Variants in SSBP3 observed in about 807,000 individuals in gnomAD.
SSBP3 encodes single stranded DNA binding protein 3, also known as single-stranded DNA-binding protein 3.
SSBP3 carries 5 observed loss-of-function variants against 69.6 expected under a neutral mutation model. The ratio of observed to expected loss-of-function variants is 0.07; its 90% CI spans 0.04 to 0.15. The LOEUF is 0.15. Ranked by LOEUF, SSBP3 falls within the 10% of genes least tolerant of loss-of-function variation. SSBP3 has a pLI of 1.00. For missense variants in SSBP3, 312 were observed against 534.0 expected, an observed-to-expected ratio of 0.58 and a Z score of 4.10; for synonymous variants, 196 against 193.4, an observed-to-expected ratio of 1.01 and a Z score of -0.11.
At chr1:54,229,897 G>A (rs867259809) in intron 14 of SSBP3, among the ~76,000 whole-genome samples, 1 of 152,224 alleles carries the variant, frequency 6.6e-6, no homozygotes, top group Non-Finnish European at 1.5e-5. Flanking sequence ...CAGAGATGCT[G>A]ACTTCCAAAG....
intron 4 of SSBP3, among the ~76,000 whole-genome samples, chr1:54,366,298 T>C (rs982833529): frequency 2.0e-5 from 3 of 152,148 alleles, no homozygotes; most frequent in African/African-American, 7.2e-5. Flanking sequence ...GAGTCCCCAG[T>C]CCCTTTCCTG....
In SSBP3 at chr1:54,404,653, C is replaced by A; in HGVS notation, c.130-16G>T. On this transcript the variant is annotated splice_polypyrimidine_tract_variant and intron_variant, in intron 2 of 17. Coordinates refer to ENST00000610401, the Ensembl canonical transcript of SSBP3. ...CCCATCGAATCTGGAAAGGTAAGAGCAGAAGCAGCTTAGAGGAGCAGAGAC... is the reference window on the plus strand; with the variant it reads ...CCCATCGAATCTGGAAAGGTAAGAGAAGAAGCAGCTTAGAGGAGCAGAGAC... The A allele has an allele frequency of 1.2e-6, 2 of 1,613,902 alleles. No homozygotes were observed. The highest frequency in any genetic ancestry group is 1.7e-6 in the Non-Finnish European group (2 of 1,179,840).
intron 4 of SSBP3, among the ~76,000 whole-genome samples, chr1:54,343,279 A>G (rs1283189412): frequency 6.6e-6 from 1 of 152,192 alleles, no homozygotes; most frequent in Non-Finnish European, 1.5e-5. Flanking sequence ...CTAGGTCCCC[A>G]TCCTGGATCT....
chr1:54,345,047 T>A (rs1646666418), intron 4 of SSBP3, among the ~76,000 whole-genome samples: 1 of 152,166 alleles, frequency 6.6e-6, no homozygotes, highest in Admixed American at 6.5e-5. Context: ...TGGCTACAAA[T>A]GCTTTCTACT....
At chr1:54,253,174 G>A (rs75685823) in intron 7 of SSBP3, among the ~76,000 whole-genome samples, 1 of 135,114 alleles carries the variant, frequency 7.4e-6, no homozygotes, top group East Asian at 2.1e-4. Flanking sequence ...ATTTGTTTTT[G>A]TTTTTTTTTT....
chr1:54,368,863 T>G (rs1324690419), intron 4 of SSBP3, among the ~76,000 whole-genome samples: 2 of 152,178 alleles, frequency 1.3e-5, no homozygotes, highest in African/African-American at 2.4e-5. Flanking sequence ...AGGCAAGTCG[T>G]CTCTCTATTC....
chr1:54,335,052 C>T (rs1646485084), intron 4 of SSBP3, among the ~76,000 whole-genome samples: 1 of 152,168 alleles, frequency 6.6e-6, no homozygotes, highest in African/African-American at 2.4e-5. Flanking sequence ...AGGACAAGGG[C>T]CTAGAGGAGC....
chr1:54,260,089 G>A (rs1436220612), intron 5 of SSBP3, among the ~76,000 whole-genome samples: 2 of 152,166 alleles, frequency 1.3e-5, no homozygotes, highest in Non-Finnish European at 2.9e-5. Flanking sequence ...AAAAAGGGAG[G>A]GGAGTTAATG....
intron 4 of SSBP3, among the ~76,000 whole-genome samples, chr1:54,396,538 G>A (rs1209823918): frequency 6.6e-6 from 1 of 152,040 alleles, no homozygotes; most frequent in African/African-American, 2.4e-5. Flanking sequence ...GGAAGTCATG[G>A]GAAGGGGGCC....
chr1:54,230,019 G>C (rs1281611770), intron 14 of SSBP3, among the ~76,000 whole-genome samples: 1 of 152,240 alleles, frequency 6.6e-6, no homozygotes. Flanking sequence ...TGGGCAGGCA[G>C]AGCCCATCGC....
At chr1:54,351,662 T>G (rs1230801803) in intron 4 of SSBP3, among the ~76,000 whole-genome samples, 1 of 152,228 alleles carries the variant, frequency 6.6e-6, no homozygotes, top group Admixed American at 6.5e-5. Flanking sequence ...GCGTGTGGGA[T>G]ATTCACCTAA....
chr1:54,284,802 A>G (rs1645458478), intron 4 of SSBP3, among the ~76,000 whole-genome samples: 1 of 152,126 alleles, frequency 6.6e-6, no homozygotes, highest in South Asian at 2.1e-4. Context: ...TTGAACCTAC[A>G]AGTACTTTGT....
At chr1:54,319,188 C>T (rs1646169613) in intron 4 of SSBP3, among the ~76,000 whole-genome samples, 1 of 152,158 alleles carries the variant, frequency 6.6e-6, no homozygotes, top group Non-Finnish European at 1.5e-5. Flanking sequence ...GTATCCTTAT[C>T]CGCAGCCTAC....
In SSBP3 at chr1:54,404,785, G is replaced by C. The variant is rs551039190; in HGVS notation, c.129+73C>G. On this transcript the variant is annotated intron_variant, in intron 2 of 17. Transcript: ENST00000610401. ...AATGGTGGCCACAGTGGCTGCTCCT[G>C]AAAACAAAGGCTCTAAGAATAGTGG... is the stretch of plus-strand genomic sequence containing the variant. 2.3e-4 allele frequency: 181 copies of C among 799,556 alleles called. 1 individual carries two copies. The highest frequency in any genetic ancestry group is 2.0e-3 in the African/African-American group (99 of 49,286). The allele number at this position is 799,556 out of a possible 1,614,324, so 49.5% of individuals were successfully genotyped here.
intron 4 of SSBP3, among the ~76,000 whole-genome samples, chr1:54,378,455 C>T (rs932334351): frequency 6.6e-6 from 1 of 152,200 alleles, no homozygotes; most frequent in African/African-American, 2.4e-5. Context: ...TGGTGGAGAA[C>T]CCAGGGCCCT....
At position 54,281,372 on chromosome 1, in the gene SSBP3, C is replaced by T. The variant is rs1569592723; in HGVS notation, c.366+66G>A. ...AGCTACTTACTTCTCTCCCGCCCTC[C>T]CACCTGCCCAGGGCCTCGGCCTGGA... On this transcript the variant is annotated intron_variant, in intron 5 of 17. Coordinates refer to ENST00000610401, the Ensembl canonical transcript of SSBP3. 1.8e-5 allele frequency: 24 copies of T among 1,368,550 alleles called. 1 individual carries two copies. The South Asian group carries it at 2.5e-4, about 15-fold the overall frequency. 84.8% of individuals were successfully genotyped at this position (1,368,550 alleles called of 1,614,324 possible).
exon 1 of SSBP3, chr1:54,406,011 T>G: frequency 6.8e-7 from 1 of 1,476,154 alleles, no homozygotes; most frequent in South Asian, 1.3e-5. Context: ...GCAAACATGG[T>G]TTGCAGGGAA....
chr1:54,375,951 G>A (rs930334319), intron 4 of SSBP3, among the ~76,000 whole-genome samples: 2 of 152,110 alleles, frequency 1.3e-5, no homozygotes, highest in African/African-American at 4.8e-5. Flanking sequence ...GGAAGGAGGA[G>A]AGCAGGGAAG....
chr1:54,285,825 C>A (rs1209700036), intron 4 of SSBP3, among the ~76,000 whole-genome samples: 1 of 152,210 alleles, frequency 6.6e-6, no homozygotes, highest in Non-Finnish European at 1.5e-5. Flanking sequence ...AAGTCCCCCA[C>A]GGAAGAAGAG....
Sources: allele counts gnomAD v4.1 joint callset (sites outside exome capture counted in the v4.1 genomes callset), GRCh38; gene constraint gnomAD v4.1.1; transcripts MANE v1.5; gene names NCBI Gene and HGNC (gene_info 2026-07-23, HGNC 2026-07-21).